Variants in SAMD14 observed in about 807,000 individuals in gnomAD.
The protein encoded by SAMD14 is sterile alpha motif domain containing 14.
SAMD14 carries 27 observed loss-of-function variants against 46.2 expected under a neutral mutation model. That is an observed-to-expected ratio of 0.58 (90% CI 0.43 to 0.81). The LOEUF (loss-of-function observed/expected upper bound fraction) is 0.81. SAMD14 is among the 30% of genes least tolerant of loss of function. The pLI is 0.00. For synonymous variants in SAMD14, 241 were observed against 254.3 expected, an observed-to-expected ratio of 0.95 and a Z score of 0.50; for missense variants, 559 against 582.2, an observed-to-expected ratio of 0.96 and a Z score of 0.41.
chr17:50,110,260 C>G lies in SAMD14; in HGVS notation c.*2633G>C. The G allele has an allele frequency of 1.5e-6, 1 of 686,678 alleles. No individual in the cohort carries two copies. The highest frequency in any genetic ancestry group is 1.8e-5 in the African/African-American group (1 of 55,220). 42.5% of individuals were successfully genotyped at this position (686,678 alleles called of 1,614,324 possible). A position where few individuals can be genotyped will look rare whatever the true frequency, so the allele number is the denominator to read the frequency against. On this transcript the variant is annotated 3_prime_UTR_variant, in exon 10 of 10. Transcript: ENST00000330175. ...TGCGGTGATAGGTCTGTGATGGTCC[C>G]TAAGTGCCAGTCCATCTCTGTGGAG...
chr17:50,117,454 G>T lies in SAMD14; in HGVS notation c.452C>A (p.Ser151Tyr). The change falls in exon 4 of 10, where the codon TCC (serine) becomes TAC (tyrosine). Residue 151 changes from serine to tyrosine, a missense_variant. Transcript: ENST00000330175. Reference sequence around the variant, plus strand: ...CGGGTGGCGGCGCACGAAGCTGGGGGAGCTGTCGGAGGAGGGCGCGGAGCG... The same window carrying T: ...CGGGTGGCGGCGCACGAAGCTGGGGTAGCTGTCGGAGGAGGGCGCGGAGCG... ...PPRSAPSSDS[S>Y]PSFVRRHPRA... is the part of the protein sequence containing the mutation. The T allele has an allele frequency of 7.3e-7, 1 of 1,374,416 alleles. No individual in the cohort carries two copies. 85.1% of individuals were successfully genotyped at this position (1,374,416 alleles called of 1,614,324 possible).
At chr17:50,123,069 T>C (rs748563734) in intron 2 of SAMD14, among the ~76,000 whole-genome samples, 3 of 152,224 alleles carry the variant, frequency 2.0e-5, no homozygotes, top group African/African-American at 4.8e-5. Flanking sequence ...CTAATCCTTA[T>C]TGAGCTCTTA....
intron 2 of SAMD14, among the ~76,000 whole-genome samples, chr17:50,122,223 C>T (rs771247344): frequency 6.6e-6 from 1 of 152,176 alleles, no homozygotes; most frequent in Admixed American, 6.5e-5. Context: ...GGGATATGGT[C>T]GCCAATGACT....
intron 2 of SAMD14, among the ~76,000 whole-genome samples, chr17:50,122,487 C>T (rs1911548303): frequency 6.6e-6 from 1 of 152,182 alleles, no homozygotes; most frequent in Non-Finnish European, 1.5e-5. Flanking sequence ...CCAGCACTCC[C>T]CACCGTCTAG....
chr17:50,113,813 G>T, intron 9 of SAMD14, 111 bp downstream of exon 9: 1 of 1,301,518 alleles, frequency 7.7e-7, no homozygotes, highest in Non-Finnish European at 1.1e-6. Context: ...GAGTGAAAAG[G>T]TCAGCCCAGG....
chr17:50,118,949 C>G (rs1911377243), intron 2 of SAMD14, among the ~76,000 whole-genome samples: 1 of 152,222 alleles, frequency 6.6e-6, no homozygotes, highest in African/African-American at 2.4e-5. Context: ...AAGCCACCAG[C>G]TAGCAATGGT....
chr17:50,113,985 T>G lies in SAMD14; in HGVS notation c.1037A>C (p.Glu346Ala). The G allele has an allele frequency of 6.2e-7, 1 of 1,613,686 alleles. No homozygotes were observed. Among genetic ancestry groups the G allele is most frequent in the Non-Finnish European group, 8.5e-7 (1 of 1,180,030 alleles). Residue 346 changes from glutamate (E) to alanine (A), a missense_variant, in exon 9 of 10, where the codon GAG (glutamate) becomes GCG (alanine). Glu to Ala is a moderately radical substitution (Grantham distance 107). Transcript: ENST00000330175. ...CCCGTCTACCTGCCGTGCAGCAAACTCAGCAGCATACTGTTCCAGGTTGAG... is the reference window on the plus strand; with the variant it reads ...CCCGTCTACCTGCCGTGCAGCAAACGCAGCAGCATACTGTTCCAGGTTGAG... The part of the protein sequence containing the change: ...QSLNLEQYAA[E>A]FAARQVDGPQ...
chr17:50,114,626 C>G (rs746623814), intron 7 of SAMD14: 2 of 579,460 alleles, frequency 3.5e-6, no homozygotes, highest in Non-Finnish European at 6.0e-6. Flanking sequence ...TCAGGTGTCT[C>G]TGCTATGCGC....
chr17:50,118,249 C>T lies in SAMD14; in HGVS notation c.122G>A (p.Gly41Asp). 6.2e-7 allele frequency: 1 copy of T among 1,613,936 alleles called. No individual in the cohort carries two copies. Among genetic ancestry groups the T allele is most frequent in the Non-Finnish European group, 8.5e-7 (1 of 1,179,946 alleles). The change falls in exon 3 of 10, where the codon GGC becomes GAC. Residue 41 changes from glycine (G) to aspartate (D), a missense_variant. By Grantham distance (94) the Gly-to-Asp change is moderately conservative. Transcript: ENST00000330175. ...GGAGCGGGATGGCCGGTGTCTCCGG[C>T]CCTTGGCCAACAGTTGGGCCCGGGC... ...HKARAQLLAK[G>D]RRHRPSRSRL... is the part of the protein sequence containing the mutation.
At chr17:50,124,767 GCGCGCACACACA>G in intron 2 of SAMD14, 138 bp downstream of exon 2, 4 of 498,580 alleles carry the variant, frequency 8.0e-6, no homozygotes, top group African/African-American at 4.3e-5. Flanking sequence ...GTGCACGCGC[GCGCGCACACACA>G]CACACACACA....
At chr17:50,121,489 T>G (rs987591198) in intron 2 of SAMD14, among the ~76,000 whole-genome samples, 1 of 152,032 alleles carries the variant, frequency 6.6e-6, no homozygotes, top group African/African-American at 2.4e-5. Flanking sequence ...GGCTAACTTT[T>G]GTATTTTTAG....
At chr17:50,116,656 C>T (rs1311671174) in intron 4 of SAMD14, among the ~76,000 whole-genome samples, 1 of 151,504 alleles carries the variant, frequency 6.6e-6, no homozygotes, top group Non-Finnish European at 1.5e-5. Context: ...ATCCACCCGC[C>T]TCGGCCTCCC....
intron 2 of SAMD14, among the ~76,000 whole-genome samples, chr17:50,121,848 G>A (rs548849770): frequency 1.3e-5 from 2 of 152,282 alleles, no homozygotes; most frequent in Non-Finnish European, 2.9e-5. Flanking sequence ...ATCATTTGCC[G>A]GCTGGGTGAC....
chr17:50,124,771 G>GCGCGCA (rs71353620), intron 2 of SAMD14, 146 bp downstream of exon 2: 18,533 of 563,580 alleles, frequency 0.033, 249 homozygotes, highest in Admixed American at 0.1. Flanking sequence ...ACGCGCGCGC[G>GCGCGCA]CACACACACA....
At chr17:50,116,309 T>C in intron 4 of SAMD14, 2 of 604,868 alleles carry the variant, frequency 3.3e-6, no homozygotes, top group Non-Finnish European at 5.5e-6. Flanking sequence ...TCATGGGACC[T>C]AATGGGATGC....
chr17:50,124,769 G>GCGCACA (rs1911680510), intron 2 of SAMD14, 148 bp downstream of exon 2: 6 of 477,170 alleles, frequency 1.3e-5, no homozygotes, highest in Non-Finnish European at 2.1e-5. Context: ...GCACGCGCGC[G>GCGCACA]CGCACACACA....
In SAMD14 at chr17:50,120,694, C is replaced by T. The variant is rs185307295; in HGVS notation, c.44-2367G>A. Among the ~76,000 whole-genome samples, 472 of 152,296 alleles carry T rather than the reference C, an allele frequency of 3.1e-3. 5 individuals carry two copies. The highest frequency in any genetic ancestry group is 0.011 in the African/African-American group (451 of 41,570). ...GTCCCTCCACTCCAACCATCCTGGCCGCCTGGCTCATCCTCACACAAGCCA... is the reference window on the plus strand; with the variant it reads ...GTCCCTCCACTCCAACCATCCTGGCTGCCTGGCTCATCCTCACACAAGCCA... On this transcript the variant is annotated intron_variant, in intron 2 of 9. Coordinates refer to ENST00000330175, the MANE Select transcript of SAMD14 (RefSeq NM_001257359.2).
Position 50,112,814 on chromosome 17 carries a change from G to T in SAMD14, c.*79C>A. The T allele has an allele frequency of 6.6e-7, 1 of 1,509,692 alleles. No homozygotes were observed. Among genetic ancestry groups the T allele is most frequent in the East Asian group, 2.3e-5 (1 of 44,166 alleles). The allele number at this position is 1,509,692 out of a possible 1,614,324, so 93.5% of individuals were successfully genotyped here. ...AGGCTAGCCCAAGTGCAGCGCCCAG[G>T]TCCAGCCTCCCTGGTGAGGCCTGTG... On this transcript the variant is annotated 3_prime_UTR_variant, in exon 10 of 10. Transcript: ENST00000330175.
At chr17:50,126,288 T>C (rs898165010) in intron 1 of SAMD14, among the ~76,000 whole-genome samples, 5 of 148,496 alleles carry the variant, frequency 3.4e-5, no homozygotes, top group Admixed American at 6.7e-5. Context: ...CTACCTTTAC[T>C]GTGGCCAGCC....
Sources: gnomAD v4.1 joint callset for allele counts (sites outside exome capture counted in the v4.1 genomes callset) on GRCh38, gnomAD v4.1.1 for gene constraint, MANE v1.5 for transcripts, NCBI Gene and HGNC (gene_info 2026-07-23, HGNC 2026-07-21) for gene names.